The following IGF2R variants were observed in gnomAD, a reference collection of about 807,000 sequenced individuals.
IGF2R encodes cation-independent mannose-6-phosphate receptor.
Under a neutral mutation model 270.6 loss-of-function variants are expected in IGF2R, and 91 were observed. That is an observed-to-expected ratio of 0.34 (90% CI 0.28 to 0.40). IGF2R has a LOEUF of 0.40. Among genes scored for constraint, IGF2R ranks in the 10% least tolerant of loss-of-function variants. IGF2R has a pLI of 1.00. For missense variants in IGF2R, 2,805 were observed against 3,188.3 expected (o/e 0.88, Z 2.90); for synonymous variants, 1,316 against 1,258.9 (o/e 1.05, Z -0.96).
intron 39 of IGF2R, among the ~76,000 whole-genome samples, chr6:160,082,476 A>C (rs565198710): frequency 6.6e-6 from 1 of 151,778 alleles, no homozygotes; most frequent in African/African-American, 2.4e-5. Flanking sequence ...CACCCAGCTA[A>C]TTTTTTTGTA....
At chr6:160,046,693 G>C (rs1197156039) in intron 15 of IGF2R, 48 bp downstream of exon 15, 2 of 1,580,600 alleles carry the variant, frequency 1.3e-6, no homozygotes, top group Non-Finnish European at 1.7e-6. Flanking sequence ...TATATGCTAA[G>C]AAATATTATT....
intron 1 of IGF2R, among the ~76,000 whole-genome samples, chr6:159,990,950 T>C (rs1352246372): frequency 6.6e-6 from 1 of 152,200 alleles, no homozygotes; most frequent in Non-Finnish European, 1.5e-5. Context: ...TTTGATAATC[T>C]TTGAGTCCTG....
At position 160,102,862 on chromosome 6, in the gene IGF2R, G is replaced by C. The variant is rs144841527; in HGVS notation, c.6995+191G>C. 3.0e-3 allele frequency among the ~76,000 whole-genome samples: 458 copies of C among 152,320 alleles called. No individual in the cohort carries two copies. Among genetic ancestry groups the C allele is most frequent in the Non-Finnish European group, 5.1e-3 (349 of 68,032 alleles). On this transcript the variant is annotated intron_variant, in intron 46 of 47. Coordinates refer to ENST00000356956, the MANE Select transcript of IGF2R (RefSeq NM_000876.4). This position sits in a 1 kb window ranked among gnomAD's most constrained non-coding sequence, Gnocchi z 4.5. ...TTTTTAAATGCCTGCATTTCTGTCT[G>C]ACCAAGGCCGAGGCCCTCGCACATC...
At chr6:160,009,216 A>G (rs1784294987) in intron 3 of IGF2R, 82 bp downstream of exon 3, 6 of 1,235,966 alleles carry the variant, frequency 4.9e-6, no homozygotes, top group Non-Finnish European at 6.6e-6. Flanking sequence ...GAGGTATTCC[A>G]GGAAGAATCA....
chr6:160,051,943 G>A (rs1014931784), intron 19 of IGF2R, among the ~76,000 whole-genome samples: 1 of 150,768 alleles, frequency 6.6e-6, no homozygotes, highest in Non-Finnish European at 1.5e-5. Flanking sequence ...GACAAAGCGA[G>A]CCCCTGTCTC....
Position 160,058,104 on chromosome 6 carries a change from G to A in IGF2R, c.2878G>A (p.Gly960Ser). 1 of 1,611,006 alleles carries A rather than the reference G, an allele frequency of 6.2e-7. No homozygotes were observed. Among genetic ancestry groups the A allele is most frequent in the Non-Finnish European group, 8.5e-7 (1 of 1,177,190 alleles). ...CAGTTCGCAAGGATATAACGTCTCT[G>A]GCATTGGGAAGATTTTTATGGTAAG... The part of the protein sequence containing the change: ...LNSSQGYNVS[G>S]IGKIFMFNVC... Residue 960 changes from glycine to serine, a missense_variant, in exon 21 of 48, where the codon GGC (glycine) becomes AGC (serine). Physicochemically the swap from Gly to Ser is moderately conservative, Grantham distance 56 (BLOSUM62 0). This residue lies in a region of IGF2R where 1,851 missense variants were observed against 2,207.2 expected (regional missense o/e 0.84). Coordinates refer to ENST00000356956, the MANE Select transcript of IGF2R (RefSeq NM_000876.4).
chr6:160,035,013 C>T (rs1215264781), intron 10 of IGF2R, among the ~76,000 whole-genome samples: 1 of 152,154 alleles, frequency 6.6e-6, no homozygotes, highest in Non-Finnish European at 1.5e-5. Context: ...GTGCATTTCT[C>T]TGAGTAATGA....
chr6:160,102,610 C>A lies in IGF2R; in HGVS notation c.6934C>A (p.Leu2312Met). 6.2e-7 allele frequency: 1 copy of A among 1,613,638 alleles called. No individual in the cohort carries two copies. The highest frequency in any genetic ancestry group is 8.5e-7 in the Non-Finnish European group (1 of 1,179,728). Reference sequence around the variant, plus strand: ...CCAGGCAGTCGGCGCGGTGCTCAGCCTGCTGCTGGTGGCGCTCACCTGCTG... The same window carrying A: ...CCAGGCAGTCGGCGCGGTGCTCAGCATGCTGCTGGTGGCGCTCACCTGCTG... ...RSQAVGAVLS[L>M]LLVALTCCLL... The change falls in exon 46 of 48, where the codon CTG (leucine) becomes ATG (methionine). Residue 2312 changes from leucine (L) to methionine (M), a missense_variant. By Grantham distance (15) the Leu-to-Met change is conservative (BLOSUM62 2). This residue lies in a region of IGF2R where 1,851 missense variants were observed against 2,207.2 expected (regional missense o/e 0.84). Coordinates refer to ENST00000356956, the MANE Select transcript of IGF2R (RefSeq NM_000876.4). This position sits in a 1 kb window ranked among gnomAD's most constrained non-coding sequence, Gnocchi z 4.5.
intron 3 of IGF2R, among the ~76,000 whole-genome samples, chr6:160,009,367 A>G (rs1183724410): frequency 1.3e-5 from 2 of 152,236 alleles, no homozygotes; most frequent in Non-Finnish European, 2.9e-5. Context: ...CTACAATTCA[A>G]AGTGATTACT....
rs1453257875 is a variant in IGF2R, at chr6:160,050,865, CT to C, written c.2694+217del. 6.6e-6 allele frequency among the ~76,000 whole-genome samples: 1 copy of C among 152,202 alleles called. No individual in the cohort carries two copies. The highest frequency in any genetic ancestry group is 1.9e-4 in the East Asian group (1 of 5,202). ...GCGATTTCTGAAGTGTAAGCCTCATCTTTTGCTGCGGAGTTTGAGGCTCTGG... is the reference window on the plus strand; with the variant it reads ...GCGATTTCTGAAGTGTAAGCCTCATCTTTGCTGCGGAGTTTGAGGCTCTGG... On this transcript the variant is annotated intron_variant, in intron 19 of 47. Transcript: ENST00000356956. The surrounding 1 kb of genome is among the most constrained non-coding windows in gnomAD (Gnocchi z 4.0).
chr6:160,070,566 C>T (rs937543475), intron 31 of IGF2R, among the ~76,000 whole-genome samples: 3 of 152,188 alleles, frequency 2.0e-5, no homozygotes, highest in Admixed American at 6.5e-5. Flanking sequence ...TTCTGACACA[C>T]GGGAGATGCA....
intron 2 of IGF2R, among the ~76,000 whole-genome samples, chr6:159,992,081 T>A (rs1380954929): frequency 6.6e-6 from 1 of 152,180 alleles, no homozygotes; most frequent in Non-Finnish European, 1.5e-5. Context: ...GTTAGAATAA[T>A]GAGGTTTGAC....
chr6:160,000,453 G>T (rs974205857), intron 2 of IGF2R, among the ~76,000 whole-genome samples: 6 of 152,120 alleles, frequency 3.9e-5, no homozygotes, highest in Non-Finnish European at 8.8e-5. Context: ...CCGTGATCCA[G>T]TTACCTCCCA....
chr6:160,036,342 TCTC>T (rs1777824217), intron 10 of IGF2R, among the ~76,000 whole-genome samples: 1 of 152,016 alleles, frequency 6.6e-6, no homozygotes, highest in Non-Finnish European at 1.5e-5. Context: ...GAATCACGTC[TCTC>T]CTACTTGGTG....
intron 20 of IGF2R, 74 bp downstream of exon 20, chr6:160,056,599 T>G: frequency 1.9e-5 from 18 of 961,684 alleles, no homozygotes; most frequent in Non-Finnish European, 2.9e-5. Flanking sequence ...GTGTTCCAGC[T>G]CTGAACCGAC....
At chr6:160,042,380 C>G (rs1777964132) in intron 11 of IGF2R, among the ~76,000 whole-genome samples, 1 of 152,228 alleles carries the variant, frequency 6.6e-6, no homozygotes, top group Admixed American at 6.5e-5. Context: ...CCCCAGTACC[C>G]AACCTGCAAA....
At chr6:160,030,682 C>T (rs1417151656) in intron 7 of IGF2R, among the ~76,000 whole-genome samples, 1 of 152,164 alleles carries the variant, frequency 6.6e-6, no homozygotes, top group Non-Finnish European at 1.5e-5. Flanking sequence ...ATTTGTTCTA[C>T]ATTTGGTAAG....
intron 34 of IGF2R, 80 bp from the exon 35 acceptor site, chr6:160,073,677 C>A: frequency 1.6e-6 from 2 of 1,268,442 alleles, no homozygotes; most frequent in Non-Finnish European, 2.2e-6. Flanking sequence ...TGTTATTCAG[C>A]TTTTAAATTC....
At position 160,050,131 on chromosome 6, in the gene IGF2R, C is replaced by A. The variant is rs1453610787; in HGVS notation, c.2515-342C>A. ...AATTCAGGATCTGAAGAACATCTTA[C>A]ACGATTATTGAACGAAAGCCTTATG... On this transcript the variant is annotated intron_variant, in intron 18 of 47. Transcript: ENST00000356956. The surrounding 1 kb of genome is among the most constrained non-coding windows in gnomAD (Gnocchi z 4.0). Among the ~76,000 whole-genome samples, 2 of 152,208 alleles carry A rather than the reference C, an allele frequency of 1.3e-5. No homozygotes were observed. Among genetic ancestry groups the A allele is most frequent in the Non-Finnish European group, 2.9e-5 (2 of 68,040 alleles).
Sources: allele counts gnomAD v4.1 joint callset (sites outside exome capture counted in the v4.1 genomes callset), GRCh38; gene constraint gnomAD v4.1.1; regional missense constraint gnomAD v4.1.1; non-coding constraint Gnocchi (gnomAD v3.1); transcripts MANE v1.5; gene names NCBI Gene and HGNC (gene_info 2026-07-23, HGNC 2026-07-21).